The following RPS6KC1 variants were observed in gnomAD, a reference collection of about 807,000 sequenced individuals.
The protein encoded by RPS6KC1 is inactive ribosomal protein S6 kinase delta-1.
Under a neutral mutation model 103.8 loss-of-function variants are expected in RPS6KC1, and 54 were observed. That is an observed-to-expected ratio of 0.52 (90% CI 0.42 to 0.65). The LOEUF (loss-of-function observed/expected upper bound fraction) is 0.65, where lower values mean the gene tolerates loss of function less well. RPS6KC1 is among the 30% of genes least tolerant of loss of function. The probability of loss-of-function intolerance (pLI) is 0.00; values close to 1 mark genes in which losing one functional copy is unlikely to be tolerated. For missense variants in RPS6KC1, 1,151 were observed against 1,253.8 expected (o/e 0.92, Z 1.24); for synonymous variants, 439 against 438.7 (o/e 1.00, Z -0.01).
chr1:213,539,113 A>G, the RPS6KC1 span, among the ~76,000 whole-genome samples: 5 of 152,194 alleles, frequency 3.3e-5, no homozygotes, highest in Non-Finnish European at 5.9e-5. Context: ...TGCAGTCTGC[A>G]TGAAGGCAGG....
At chr1:213,425,862 G>A in the RPS6KC1 span, among the ~76,000 whole-genome samples, 3 of 152,252 alleles carry the variant, frequency 2.0e-5, no homozygotes, top group African/African-American at 7.2e-5. Context: ...GGTGGCCGGG[G>A]CGGATGCTGA....
the RPS6KC1 span, among the ~76,000 whole-genome samples, chr1:213,401,456 T>C: frequency 6.6e-6 from 1 of 152,158 alleles, no homozygotes; most frequent in Admixed American, 6.5e-5. Context: ...TTGTTTGGAG[T>C]TGTGGTCACT....
the RPS6KC1 span, among the ~76,000 whole-genome samples, chr1:213,655,789 T>C: frequency 6.6e-6 from 1 of 152,172 alleles, no homozygotes; most frequent in African/African-American, 2.4e-5. Context: ...AGTTTTGATA[T>C]AAAATAATAT....
the RPS6KC1 span, among the ~76,000 whole-genome samples, chr1:213,687,363 T>G: frequency 6.6e-6 from 1 of 152,096 alleles, no homozygotes; most frequent in Non-Finnish European, 1.5e-5. Context: ...AACCTCAGGG[T>G]TTTTTTATTC....
At chr1:213,086,495 G>C (rs2080414805) in intron 3 of RPS6KC1, among the ~76,000 whole-genome samples, 1 of 152,214 alleles carries the variant, frequency 6.6e-6, no homozygotes, top group African/African-American at 2.4e-5. Context: ...TGGCAAGGAG[G>C]CACCTCTTTC....
chr1:213,757,390 G>A, the RPS6KC1 span, among the ~76,000 whole-genome samples: 4 of 152,208 alleles, frequency 2.6e-5, no homozygotes, highest in Non-Finnish European at 4.4e-5. Flanking sequence ...CTGAGATGGA[G>A]AAAGTTTGAG....
chr1:213,388,048 T>C, the RPS6KC1 span, among the ~76,000 whole-genome samples: 1,741 of 152,342 alleles, frequency 0.011, 30 homozygotes, highest in African/African-American at 0.039. Flanking sequence ...GGCTGAGTTG[T>C]CCCCCCAACT....
chr1:213,580,045 T>C, the RPS6KC1 span, among the ~76,000 whole-genome samples: 1 of 152,058 alleles, frequency 6.6e-6, no homozygotes, highest in Non-Finnish European at 1.5e-5. Flanking sequence ...ATTTAAAACG[T>C]ACATTTTGTA....
intron 8 of RPS6KC1, among the ~76,000 whole-genome samples, chr1:213,216,809 T>C (rs1448081107): frequency 1.3e-5 from 2 of 152,122 alleles, no homozygotes; most frequent in Non-Finnish European, 2.9e-5. Context: ...AATAAAGATG[T>C]TCTTTCAAAC....
At chr1:213,200,057 C>A (rs540168243) in intron 8 of RPS6KC1, among the ~76,000 whole-genome samples, 38 of 152,314 alleles carry the variant, frequency 2.5e-4, no homozygotes, top group Admixed American at 5.9e-4. Context: ...AATGGCCATA[C>A]TGCCCAAAGC....
the RPS6KC1 span, among the ~76,000 whole-genome samples, chr1:213,598,779 A>G: frequency 6.6e-6 from 1 of 152,052 alleles, no homozygotes; most frequent in Non-Finnish European, 1.5e-5. Flanking sequence ...TTAGCCAGGC[A>G]TGATGGTGGC....
the RPS6KC1 span, among the ~76,000 whole-genome samples, chr1:213,626,517 A>G: frequency 1.3e-5 from 2 of 152,098 alleles, no homozygotes; most frequent in African/African-American, 2.4e-5. Context: ...TATGTCCTGA[A>G]TGGTATTGCC....
chr1:213,856,820 C>T, the RPS6KC1 span, among the ~76,000 whole-genome samples: 2 of 152,040 alleles, frequency 1.3e-5, no homozygotes, highest in South Asian at 2.1e-4. Context: ...GTCAGTGTGT[C>T]TGGGGTGAAT....
the RPS6KC1 span, among the ~76,000 whole-genome samples, chr1:213,576,167 C>G: frequency 6.6e-6 from 1 of 151,946 alleles, no homozygotes; most frequent in Non-Finnish European, 1.5e-5. Context: ...ATGATTTAAC[C>G]AACCATGGAT....
chr1:213,751,698 T>G, the RPS6KC1 span, among the ~76,000 whole-genome samples: 2 of 152,134 alleles, frequency 1.3e-5, no homozygotes, highest in Non-Finnish European at 2.9e-5. Context: ...GCTTATGAAG[T>G]TTCATCACTG....
the RPS6KC1 span, among the ~76,000 whole-genome samples, chr1:213,633,931 A>G: frequency 7.1e-6 from 1 of 140,252 alleles, no homozygotes; most frequent in African/African-American, 2.6e-5. Context: ...TTGCAATCCT[A>G]GTCTGTGATA....
At chr1:213,405,685 C>T in the RPS6KC1 span, among the ~76,000 whole-genome samples, 1 of 152,202 alleles carries the variant, frequency 6.6e-6, no homozygotes, top group Non-Finnish European at 1.5e-5. Context: ...CTGGTTCTCT[C>T]GGATGAATGT....
At chr1:213,687,548 G>C in the RPS6KC1 span, among the ~76,000 whole-genome samples, 461 of 152,088 alleles carry the variant, frequency 3.0e-3, 2 homozygotes, top group African/African-American at 0.01. Context: ...TCAAGGTTAG[G>C]GATTGAATTC....
At chr1:213,348,405 C>T in the RPS6KC1 span, among the ~76,000 whole-genome samples, 203 of 152,224 alleles carry the variant, frequency 1.3e-3, no homozygotes, top group African/African-American at 4.3e-3. Context: ...TGATGTAATT[C>T]GGGCCAATGA....
Sources: allele counts gnomAD v4.1 joint callset (sites outside exome capture counted in the v4.1 genomes callset), GRCh38; gene constraint gnomAD v4.1.1; transcripts MANE v1.5; gene names NCBI Gene and HGNC (gene_info 2026-07-23, HGNC 2026-07-21).